Variants in EXOC2 observed in about 807,000 individuals in gnomAD.
EXOC2 encodes SEC5-like 1.
In EXOC2, 70 loss-of-function variants were observed where a neutral mutation model predicts 131.8. The ratio of observed to expected loss-of-function variants is 0.53; its 90% CI spans 0.44 to 0.65. The LOEUF (loss-of-function observed/expected upper bound fraction) is 0.65. EXOC2 is among the 30% of genes least tolerant of loss of function. The pLI is 0.00. For synonymous variants in EXOC2, 411 were observed against 398.4 expected (o/e 1.03, Z -0.38); for missense variants, 923 against 1,108.6 (o/e 0.83, Z 2.38).
rs369195906 is a variant in EXOC2, at chr6:651,122, G to A, written c.-43-13261C>T. Among the ~76,000 whole-genome samples the A allele has an allele frequency of 4.3e-4, 64 of 150,142 alleles. No individual in the cohort carries two copies. The South Asian group carries it at 0.012, about 28-fold the overall frequency. On this transcript the variant is annotated intron_variant, in intron 1 of 27. Transcript: ENST00000230449. Reference sequence around the variant, plus strand: ...CTCGGCTCACTGCAAGCTCTGCCTCGCAGGTTCACGCCATTCTCCTGCCTC... The same window carrying A: ...CTCGGCTCACTGCAAGCTCTGCCTCACAGGTTCACGCCATTCTCCTGCCTC...
chr6:582,121 T>C (rs935781899), intron 11 of EXOC2, among the ~76,000 whole-genome samples: 1 of 152,164 alleles, frequency 6.6e-6, no homozygotes, highest in Non-Finnish European at 1.5e-5. Flanking sequence ...TCTTTGACAA[T>C]CGAGACTCTA....
At chr6:629,003 C>T (rs909151477) in intron 4 of EXOC2, among the ~76,000 whole-genome samples, 101 of 152,322 alleles carry the variant, frequency 6.6e-4, no homozygotes, top group African/African-American at 2.2e-3. Context: ...GCTACTTCCC[C>T]TCAGCCAGGG....
intron 21 of EXOC2, among the ~76,000 whole-genome samples, chr6:550,895 C>T (rs1035858182): frequency 1.3e-5 from 2 of 152,190 alleles, no homozygotes; most frequent in Admixed American, 1.3e-4. Context: ...CAGACCTGAG[C>T]CTGCCACATC....
intron 23 of EXOC2, among the ~76,000 whole-genome samples, chr6:501,051 CATATCTATAT>C (rs1764020093): frequency 7.4e-6 from 1 of 135,380 alleles, no homozygotes; most frequent in Admixed American, 8.6e-5. Context: ...TATAGATATA[CATATCTATAT>C]ATATCTATAT....
intron 6 of EXOC2, 152 bp downstream of exon 6, chr6:617,559 G>T: frequency 4.5e-6 from 5 of 1,106,212 alleles, no homozygotes; most frequent in Non-Finnish European, 4.9e-6. Context: ...TCAAAGAGAT[G>T]CCAGCCTACT....
At chr6:596,690 A>C (rs1759840309) in intron 10 of EXOC2, among the ~76,000 whole-genome samples, 1 of 152,200 alleles carries the variant, frequency 6.6e-6, no homozygotes, top group Non-Finnish European at 1.5e-5. Flanking sequence ...TTCAAAGGTC[A>C]CATGGGGACC....
rs181279439 is a variant in EXOC2, at chr6:598,177, A to T, written c.971-54T>A. On this transcript the variant is annotated intron_variant, in intron 9 of 27. Coordinates refer to ENST00000230449, the MANE Select transcript of EXOC2 (RefSeq NM_018303.6). ...TTTACAGAATGAAAATTTAATATCAAATTTCAAAAAGCAGAATAGTAGTTG... is the reference window on the plus strand; with the variant it reads ...TTTACAGAATGAAAATTTAATATCATATTTCAAAAAGCAGAATAGTAGTTG... The T allele has an allele frequency of 3.7e-5, 54 of 1,453,608 alleles. No individual in the cohort carries two copies. In the African/African-American group the frequency reaches 7.6e-4, roughly 21 times the overall value. 90.0% of individuals were successfully genotyped at this position (1,453,608 alleles called of 1,614,324 possible).
At chr6:630,844 T>C (rs957186927) in intron 3 of EXOC2, among the ~76,000 whole-genome samples, 41 of 152,198 alleles carry the variant, frequency 2.7e-4, no homozygotes, top group African/African-American at 9.6e-5. Flanking sequence ...CAAACACCTT[T>C]CAAGGAACGC....
rs559591135 is a variant in EXOC2, at chr6:674,783, G to A, written c.-44+18236C>T. 2.2e-3 allele frequency among the ~76,000 whole-genome samples: 339 copies of A among 152,082 alleles called. 2 individuals carry two copies. The highest frequency in any genetic ancestry group is 7.9e-3 in the African/African-American group (327 of 41,474). The stretch of plus-strand genomic sequence containing the variant: ...GATGCTTTGACATTTTGGAGCCTGT[G>A]GACCAGGGAAGGGACTGCCCCTCTG... On this transcript the variant is annotated intron_variant, in intron 1 of 27. Coordinates refer to ENST00000230449, the MANE Select transcript of EXOC2 (RefSeq NM_018303.6).
chr6:688,325 T>A (rs1335629160), intron 1 of EXOC2, among the ~76,000 whole-genome samples: 1 of 141,360 alleles, frequency 7.1e-6, no homozygotes, highest in Non-Finnish European at 1.6e-5. Context: ...GGGGCACAGA[T>A]CTGGATACTG....
rs765952145 is a variant in EXOC2 at position 555,294 on chromosome 6, T to C, written c.1993-6A>G. 3 of 1,522,802 alleles carry C rather than the reference T, an allele frequency of 2.0e-6. No homozygotes were observed. Among genetic ancestry groups the C allele is most frequent in the Non-Finnish European group, 8.9e-7 (1 of 1,120,834 alleles). 94.3% of individuals were successfully genotyped at this position (1,522,802 alleles called of 1,614,324 possible). A position where few individuals can be genotyped will look rare whatever the true frequency, so the allele number is the denominator to read the frequency against. On this transcript the variant is annotated splice_region_variant and splice_polypyrimidine_tract_variant and intron_variant, in intron 19 of 27. Coordinates refer to ENST00000230449, the MANE Select transcript of EXOC2 (RefSeq NM_018303.6). ...TCCAGACAGTATATAAAAACCTAAG[T>C]GAAAACATAAGTTTCAGAACTCTCA...
Position 662,464 on chromosome 6 carries a change from C to G in EXOC2, c.-43-24603G>C, listed in dbSNP as rs143643699. Among the ~76,000 whole-genome samples, 441 of 152,190 alleles carry G rather than the reference C, an allele frequency of 2.9e-3. 1 individual carries two copies. Among genetic ancestry groups the G allele is most frequent in the African/African-American group, 9.7e-3 (404 of 41,526 alleles). ...AATTATATCAAGCACTCTCTCAGAC[C>G]ACAGTAAAATAAAACTGGAAATCAA... is the stretch of plus-strand genomic sequence containing the variant. On this transcript the variant is annotated intron_variant, in intron 1 of 27. Transcript: ENST00000230449.
chr6:499,355 C>G (rs1763908276), intron 24 of EXOC2, among the ~76,000 whole-genome samples: 1 of 151,910 alleles, frequency 6.6e-6, no homozygotes, highest in Non-Finnish European at 1.5e-5. Flanking sequence ...AATCTATCTT[C>G]ACCTTTCAAA....
intron 7 of EXOC2, among the ~76,000 whole-genome samples, chr6:609,584 T>A (rs368135850): frequency 6.6e-6 from 1 of 152,212 alleles, no homozygotes; most frequent in Admixed American, 6.5e-5. Flanking sequence ...CCTGGGCCTA[T>A]AATTTTTACA....
chr6:606,107 G>T (rs994624106), intron 7 of EXOC2, among the ~76,000 whole-genome samples: 9 of 152,172 alleles, frequency 5.9e-5, no homozygotes, highest in African/African-American at 2.2e-4. Context: ...AAGAGTTCGT[G>T]TCCTTCGTAG....
rs539734224 is a variant in EXOC2 at position 540,243 on chromosome 6, C to T, written c.2239-7633G>A. 4.6e-5 allele frequency among the ~76,000 whole-genome samples: 7 copies of T among 152,310 alleles called. No individual in the cohort carries two copies. In the East Asian group the frequency reaches 1.4e-3, roughly 29 times the overall value. On this transcript the variant is annotated intron_variant, in intron 22 of 27. Transcript: ENST00000230449. ...GTGCAGGGATTACAGGCAGGAGCCA[C>T]CACACCCAGCCAGGAATTTTTAATA...
chr6:568,895 T>G (rs1758122039), intron 13 of EXOC2, among the ~76,000 whole-genome samples: 1 of 152,304 alleles, frequency 6.6e-6, no homozygotes. Flanking sequence ...CATGAGTGCA[T>G]GAGGAAATGT....
intron 1 of EXOC2, 32 bp from the exon 2 acceptor site, chr6:637,893 C>T (rs1400882121): frequency 7.7e-7 from 1 of 1,305,382 alleles, no homozygotes; most frequent in African/African-American, 1.5e-5. Context: ...AGGATTAGTA[C>T]CAACTGAGAC....
chr6:543,339 T>C (rs1363940139), intron 22 of EXOC2, among the ~76,000 whole-genome samples: 2 of 152,174 alleles, frequency 1.3e-5, no homozygotes, highest in Non-Finnish European at 2.9e-5. Flanking sequence ...GAGGACCTTA[T>C]GCTAAATGAA....
Sources: allele counts gnomAD v4.1 joint callset (sites outside exome capture counted in the v4.1 genomes callset), GRCh38; gene constraint gnomAD v4.1.1; transcripts MANE v1.5; gene names NCBI Gene and HGNC (gene_info 2026-07-23, HGNC 2026-07-21).